MICAL3: variants seen among roughly 807,000 people sequenced by gnomAD.
MICAL3 encodes the protein [F-actin]-monooxygenase MICAL3.
In MICAL3, 62 loss-of-function variants were observed where a neutral mutation model predicts 207.4. The ratio of observed to expected loss-of-function variants is 0.30; its 90% confidence interval spans 0.24 to 0.37. MICAL3 has a LOEUF of 0.37. MICAL3 is among the 10% of genes least tolerant of loss of function. MICAL3 has a pLI of 1.00. For synonymous variants in MICAL3, 1,077 were observed against 1,069.3 expected (o/e 1.01, Z -0.14); for missense variants, 2,368 against 2,635.6 (o/e 0.90, Z 2.22).
intron 29 of MICAL3, among the ~76,000 whole-genome samples, chr22:17,801,849 G>T (rs138588171): frequency 0.057 from 8,624 of 151,944 alleles, 309 homozygotes; most frequent in African/African-American, 0.11. Flanking sequence ...AGCCAAAATC[G>T]CGCCACTGCA....
intron 16 of MICAL3, among the ~76,000 whole-genome samples, chr22:17,883,221 G>A (rs1929589483): frequency 6.6e-6 from 1 of 152,108 alleles, no homozygotes; most frequent in Non-Finnish European, 1.5e-5. Flanking sequence ...ACATTTTTCA[G>A]AAGACCTCCC....
intron 19 of MICAL3, chr22:17,860,872 G>C (rs1401812863): frequency 1.0e-6 from 1 of 985,292 alleles, no homozygotes; most frequent in East Asian, 1.1e-4. Flanking sequence ...GGCTCCCGTG[G>C]TTCTCAGAAC....
intron 19 of MICAL3, chr22:17,861,508 T>A: frequency 1.0e-6 from 1 of 985,458 alleles, no homozygotes; most frequent in Non-Finnish European, 1.2e-6. Context: ...TTTTTGGTCA[T>A]CAACCGTATC....
intron 20 of MICAL3, among the ~76,000 whole-genome samples, chr22:17,836,835 C>T (rs567595328): frequency 5.2e-4 from 79 of 152,166 alleles, no homozygotes; most frequent in African/African-American, 1.7e-3. Context: ...TTAGTAGAGA[C>T]GGGGTTTCAC....
At chr22:17,966,975 G>C (rs1935171055) in intron 1 of MICAL3, among the ~76,000 whole-genome samples, 3 of 152,328 alleles carry the variant, frequency 2.0e-5, no homozygotes, top group South Asian at 4.1e-4. Context: ...AGGGGAAATA[G>C]GATCCAAGGA....
chr22:17,860,163 T>C (rs1028518493), intron 19 of MICAL3: 20 of 969,616 alleles, frequency 2.1e-5, no homozygotes, highest in Non-Finnish European at 2.5e-5. Context: ...AATCCGAAGA[T>C]TGTTTGGAAT....
Position 17,822,152 on chromosome 22 carries a change from C to A in MICAL3, c.3326G>T (p.Ser1109Ile). The change falls in exon 24 of 32, where the codon AGC becomes ATC. Residue 1109 changes from serine (S) to isoleucine (I), a missense_variant. By Grantham distance (142) the Ser-to-Ile change is moderately radical. This residue lies in a region of MICAL3 where 1,770 missense variants were observed against 1,863.2 expected (regional missense o/e 0.95). Coordinates refer to ENST00000441493, the MANE Select transcript of MICAL3 (RefSeq NM_015241.3). ...CAGCTCTCTGTCAGCATCCGACGGG[C>A]TGTCAGACCAGTGCTGATCTGGCAG... is the stretch of plus-strand genomic sequence containing the variant. The part of the protein sequence containing the change: ...ELDDDQHWSD[S>I]PSDADRELRL... 1 of 1,613,710 alleles carries A rather than the reference C, an allele frequency of 6.2e-7. No individual in the cohort carries two copies. The highest frequency in any genetic ancestry group is 8.5e-7 in the Non-Finnish European group (1 of 1,179,856).
chr22:17,842,222 T>G, intron 19 of MICAL3: 1 of 598,278 alleles, frequency 1.7e-6, no homozygotes. Flanking sequence ...AAGGTGGCCC[T>G]GTCTGCCCTC....
intron 1 of MICAL3, among the ~76,000 whole-genome samples, chr22:17,948,927 T>G (rs944970340): frequency 1.6e-5 from 1 of 61,464 alleles, no homozygotes; most frequent in African/African-American, 7.4e-5. Context: ...AAAAAAAAAA[T>G]TGGCCAGCAC....
chr22:17,836,284 G>A (rs534375170), intron 20 of MICAL3, among the ~76,000 whole-genome samples: 1 of 152,342 alleles, frequency 6.6e-6, no homozygotes, highest in East Asian at 1.9e-4. Flanking sequence ...CCGCGTGCCC[G>A]CAGCACAAAG....
In MICAL3 at chr22:17,896,926, A is replaced by G; in HGVS notation, c.1004T>C (p.Leu335Pro). The G allele has an allele frequency of 6.2e-7, 1 of 1,614,012 alleles. No individual in the cohort carries two copies. Among genetic ancestry groups the G allele is most frequent in the Non-Finnish European group, 8.5e-7 (1 of 1,179,902 alleles). Residue 335 changes from leucine (L) to proline (P), a missense_variant, in exon 8 of 32, where the codon CTG (leucine) becomes CCG (proline). By Grantham distance (98) the Leu-to-Pro change is moderately conservative. This residue lies in a region of MICAL3 where 400 missense variants were observed against 547.0 expected (regional missense o/e 0.73). Transcript: ENST00000441493. ...LSRENVDQEA[L>P]LSYAREAADF... Reference sequence around the variant, plus strand: ...TGCCGCCTCCCTGGCATAGCTGAGCAGAGCCTCCTGGTCCACGTTTTCTCG... The same window carrying G: ...TGCCGCCTCCCTGGCATAGCTGAGCGGAGCCTCCTGGTCCACGTTTTCTCG...
intron 17 of MICAL3, among the ~76,000 whole-genome samples, chr22:17,868,799 G>A (rs145157631): frequency 6.6e-4 from 100 of 152,124 alleles, no homozygotes; most frequent in African/African-American, 2.3e-3. Flanking sequence ...GCCACTGTAT[G>A]ACAGCTACCA....
chr22:17,842,940 T>C lies in MICAL3; in HGVS notation c.2606-923A>G, dbSNP rs753340138. On this transcript the variant is annotated intron_variant, in intron 19 of 31. Transcript: ENST00000441493. ...ATCAAGGCCATCCTGGCTAACACAG[T>C]GAGACCCCATCTCTACTAAAAATAC... Among the ~76,000 whole-genome samples, 3 of 152,026 alleles carry C rather than the reference T, an allele frequency of 2.0e-5. No individual in the cohort carries two copies. The South Asian group carries it at 6.2e-4, about 32-fold the overall frequency.
intron 1 of MICAL3, among the ~76,000 whole-genome samples, chr22:17,977,995 C>T (rs1935733174): frequency 6.6e-6 from 1 of 151,882 alleles, no homozygotes; most frequent in African/African-American, 2.4e-5. Flanking sequence ...GCACTCCAGC[C>T]TGCGCAACAA....
rs373639917 is a variant in MICAL3 at position 17,828,340 on chromosome 22, C to T, written c.3056-559G>A. On this transcript the variant is annotated intron_variant, in intron 21 of 31. Transcript: ENST00000441493. ...TCTGCCGCCAGCCGGCCAGCTCACA[C>T]AGGACAGAGATAGACTTTGCTGGCA... 1.5e-4 allele frequency among the ~76,000 whole-genome samples: 23 copies of T among 152,362 alleles called. No homozygotes were observed. The East Asian group carries it at 2.7e-3, about 18-fold the overall frequency.
In MICAL3 at chr22:17,790,471, A is replaced by C; in HGVS notation, c.*261T>G. 1.9e-6 allele frequency: 1 copy of C among 524,808 alleles called. No homozygotes were observed. The allele number at this position is 524,808 out of a possible 1,614,324, so 32.5% of individuals were successfully genotyped here. ...AGCGCGCGGGGTGGTCCCCTGCGTC[A>C]TGCCATACACGCCGTGCTGCTCCTC... On this transcript the variant is annotated 3_prime_UTR_variant, in exon 32 of 32. Transcript: ENST00000441493.
intron 1 of MICAL3, among the ~76,000 whole-genome samples, chr22:17,908,976 T>C (rs908142359): frequency 6.6e-6 from 1 of 152,192 alleles, no homozygotes; most frequent in African/African-American, 2.4e-5. Flanking sequence ...AGAAATGACA[T>C]GCCACTTCTC....
intron 1 of MICAL3, among the ~76,000 whole-genome samples, chr22:17,937,447 T>C (rs1933591171): frequency 6.6e-6 from 1 of 152,180 alleles, no homozygotes; most frequent in Non-Finnish European, 1.5e-5. Context: ...GCAGATCACC[T>C]GAGGTCAGGA....
At chr22:17,987,665 G>A (rs1921185633) in intron 1 of MICAL3, among the ~76,000 whole-genome samples, 1 of 152,238 alleles carries the variant, frequency 6.6e-6, no homozygotes, top group Admixed American at 6.5e-5. Flanking sequence ...TAGCTTCAAA[G>A]ACAGAAACAG....
Sources: gnomAD v4.1 joint callset for allele counts (sites outside exome capture counted in the v4.1 genomes callset) on GRCh38, gnomAD v4.1.1 for gene constraint, gnomAD v4.1.1 regional missense constraint, MANE v1.5 for transcripts, NCBI Gene and HGNC (gene_info 2026-07-23, HGNC 2026-07-21) for gene names.